Variants in SMG7 observed in about 807,000 individuals in gnomAD.
The protein encoded by SMG7 is SMG7 nonsense mediated mRNA decay factor.
In SMG7, 34 loss-of-function variants were observed where a neutral mutation model predicts 148.2. That is an observed-to-expected ratio of 0.23 (90% CI 0.17 to 0.31). SMG7 has a LOEUF of 0.31. Ranked by LOEUF, SMG7 falls within the 10% of genes least tolerant of loss-of-function variation. The pLI is 1.00. For synonymous variants in SMG7, 492 were observed against 515.1 expected (o/e 0.96, Z 0.61); for missense variants, 1,114 against 1,408.4 (o/e 0.79, Z 3.35).
chr1:183,500,874 T>C (rs1659572250), intron 1 of SMG7, among the ~76,000 whole-genome samples: 1 of 152,196 alleles, frequency 6.6e-6, no homozygotes, highest in Non-Finnish European at 1.5e-5. Flanking sequence ...TTATATGCTA[T>C]GCTGAGGAAC....
At chr1:183,528,781 T>G in intron 6 of SMG7, 111 bp from the exon 7 acceptor site, 1 of 963,282 alleles carries the variant, frequency 1.0e-6, no homozygotes, top group East Asian at 2.4e-5. Context: ...CATATTTACC[T>G]TATAAAAATA....
intron 20 of SMG7, among the ~76,000 whole-genome samples, chr1:183,550,361 T>A (rs1479558232): frequency 1.3e-5 from 2 of 152,196 alleles, no homozygotes; most frequent in African/African-American, 4.8e-5. Flanking sequence ...CACACCACTG[T>A]GCCCAGCTCT....
intron 1 of SMG7, 45 bp downstream of exon 1, chr1:183,472,694 G>C: frequency 6.9e-7 from 1 of 1,445,652 alleles, no homozygotes. Flanking sequence ...GCGGGCCGCA[G>C]GTTGGGGCAT....
intron 18 of SMG7, 138 bp downstream of exon 18, chr1:183,547,390 C>A: frequency 1.3e-6 from 1 of 787,388 alleles, no homozygotes; most frequent in Non-Finnish European, 1.9e-6. Context: ...TTCTAATTGC[C>A]TAAACCAACC....
chr1:183,544,383 C>G lies in SMG7; in HGVS notation c.1873C>G (p.Pro625Ala). 1 of 1,613,826 alleles carries G rather than the reference C, an allele frequency of 6.2e-7. No individual in the cohort carries two copies. The highest frequency in any genetic ancestry group is 8.5e-7 in the Non-Finnish European group (1 of 1,179,802). ...ATCCCAGACAGAACTAAGAAAGACT[C>G]CAGTGTCTGAAGCCAGAAAAACACC... ...VKSQTELRKTPVSEARKTPVT... is the reference protein window; with the variant it reads ...VKSQTELRKTAVSEARKTPVT... Residue 625 changes from proline (P) to alanine (A), a missense_variant, in exon 15 of 23, where the codon CCA becomes GCA. Around this residue, in one of 4 missense-constraint regions of SMG7, gnomAD observed 788 missense variants for 894.5 expected, o/e 0.88. Coordinates refer to ENST00000688051, the MANE Select transcript of SMG7 (RefSeq NM_001375584.1).
intron 3 of SMG7, 49 bp from the exon 4 acceptor site, chr1:183,517,639 T>C (rs764080668): frequency 2.6e-5 from 42 of 1,598,434 alleles, no homozygotes; most frequent in Non-Finnish European, 4.3e-6. Flanking sequence ...GACCAGTGTC[T>C]GCCCAGTGAG....
At chr1:183,499,915 T>G (rs1304622791) in intron 1 of SMG7, among the ~76,000 whole-genome samples, 1 of 152,208 alleles carries the variant, frequency 6.6e-6, no homozygotes, top group Admixed American at 6.5e-5. Context: ...TACTTTGTTA[T>G]GTCTTCTAAG....
intron 1 of SMG7, among the ~76,000 whole-genome samples, chr1:183,494,785 G>A (rs901501108): frequency 1.2e-4 from 1 of 8,380 alleles, no homozygotes; most frequent in South Asian, 3.3e-3. Context: ...TTTTTTTTTT[G>A]AGATGGTGTC....
intron 1 of SMG7, among the ~76,000 whole-genome samples, chr1:183,487,389 C>G (rs1571781542): frequency 6.6e-6 from 1 of 152,186 alleles, no homozygotes; most frequent in Non-Finnish European, 1.5e-5. Flanking sequence ...ATTGGACACA[C>G]CCAGATAATT....
chr1:183,524,681 C>A (rs147225973), intron 4 of SMG7, among the ~76,000 whole-genome samples: 2 of 152,048 alleles, frequency 1.3e-5, no homozygotes, highest in East Asian at 3.9e-4. Flanking sequence ...AATTCTATAA[C>A]CTTAGTCCAG....
chr1:183,533,073 G>A, intron 8 of SMG7, 91 bp from the exon 9 acceptor site: 2 of 1,055,202 alleles, frequency 1.9e-6, no homozygotes, highest in East Asian at 2.4e-5. Flanking sequence ...ACACATGGTG[G>A]TTCTAAATGC....
intron 1 of SMG7, among the ~76,000 whole-genome samples, chr1:183,486,843 G>A (rs529083528): frequency 6.6e-5 from 10 of 152,158 alleles, no homozygotes; most frequent in African/African-American, 1.4e-4. Flanking sequence ...GACTACAGGC[G>A]CACGCCACCA....
At chr1:183,514,999 T>C (rs1186745678) in intron 2 of SMG7, among the ~76,000 whole-genome samples, 1 of 152,202 alleles carries the variant, frequency 6.6e-6, no homozygotes, top group African/African-American at 2.4e-5. Context: ...ATGGGAAATA[T>C]ATAATTGAAA....
chr1:183,479,277 C>T (rs1283125075), intron 1 of SMG7, among the ~76,000 whole-genome samples: 4 of 152,076 alleles, frequency 2.6e-5, no homozygotes, highest in African/African-American at 2.4e-5. Flanking sequence ...CACTTATTGA[C>T]GACTTGGTCC....
At chr1:183,473,548 T>C (rs1167702053) in intron 1 of SMG7, among the ~76,000 whole-genome samples, 1 of 152,068 alleles carries the variant, frequency 6.6e-6, no homozygotes, top group African/African-American at 2.4e-5. Context: ...ACACCAGCTT[T>C]TGTGTCAGCT....
intron 1 of SMG7, among the ~76,000 whole-genome samples, chr1:183,494,210 A>G (rs1287133952): frequency 6.6e-6 from 1 of 151,968 alleles, no homozygotes; most frequent in African/African-American, 2.4e-5. Context: ...TCTAGTATTT[A>G]TATTATGCAC....
chr1:183,497,150 A>G lies in SMG7; in HGVS notation c.30-15687A>G, dbSNP rs118010031. ...TTACATTCATGTCATACCTTTGCTT[A>G]AAATGTCCAAAAATTTTGCTTGGTG... On this transcript the variant is annotated intron_variant, in intron 1 of 22. Transcript: ENST00000688051. Among the ~76,000 whole-genome samples the G allele has an allele frequency of 3.9e-3, 595 of 152,366 alleles. 30 individuals carry two copies. In the East Asian group the frequency reaches 0.1, roughly 26 times the overall value.
chr1:183,544,885 T>C (rs769583705), intron 15 of SMG7, 45 bp from the exon 16 acceptor site: 1 of 1,572,592 alleles, frequency 6.4e-7, no homozygotes, highest in Non-Finnish European at 8.6e-7. Flanking sequence ...TTTGCAATTT[T>C]TTGCTGTTTC....
chr1:183,490,982 C>T (rs979241485), intron 1 of SMG7, among the ~76,000 whole-genome samples: 18 of 152,170 alleles, frequency 1.2e-4, no homozygotes, highest in Non-Finnish European at 1.8e-4. Context: ...GCTGGGGTTT[C>T]GCCATGTTGG....
Sources: allele counts gnomAD v4.1 joint callset (sites outside exome capture counted in the v4.1 genomes callset), GRCh38; gene constraint gnomAD v4.1.1; regional missense constraint gnomAD v4.1.1; transcripts MANE v1.5; gene names NCBI Gene and HGNC (gene_info 2026-07-23, HGNC 2026-07-21).